KCNK3: variants seen among roughly 807,000 people sequenced by gnomAD.
The protein encoded by KCNK3 is potassium channel subfamily K member 3.
KCNK3 carries 9 observed loss-of-function variants against 27.3 expected under a neutral mutation model. That is an observed-to-expected ratio of 0.33 (90% CI 0.20 to 0.57). The LOEUF is 0.57. KCNK3 is among the 20% of genes least tolerant of loss of function. The probability of loss-of-function intolerance (pLI) is 0.87; values close to 1 mark genes in which losing one functional copy is unlikely to be tolerated. For synonymous variants in KCNK3, 278 were observed against 273.8 expected (o/e 1.02, Z -0.15); for missense variants, 391 against 577.7 (o/e 0.68, Z 3.31).
At chr2:26,715,769 G>A (rs1388311112) in intron 1 of KCNK3, among the ~76,000 whole-genome samples, 1 of 152,216 alleles carries the variant, frequency 6.6e-6, no homozygotes, top group Non-Finnish European at 1.5e-5. Flanking sequence ...TACAATCAGA[G>A]CTGGGCTGGC....
At position 26,728,277 on chromosome 2, in the gene KCNK3, C is replaced by A. The variant is rs765638250; in HGVS notation, c.894C>A (p.Asn298Lys). 6.3e-6 allele frequency: 10 copies of A among 1,593,376 alleles called. No individual in the cohort carries two copies. Among genetic ancestry groups the A allele is most frequent in the Non-Finnish European group, 8.5e-7 (1 of 1,170,214 alleles). ...CAGCGGGCGGCGGCGGCTTCCGCAA[C>A]GTCTACGCGGAGGTGCTGCACTTCC... is the stretch of plus-strand genomic sequence containing the variant. ...TAAAGGGGFR[N>K]VYAEVLHFQS... Residue 298 changes from asparagine (N) to lysine (K), a missense_variant, in exon 2 of 2, where the codon AAC (asparagine) becomes AAA (lysine). Asn to Lys is a moderately conservative substitution (Grantham distance 94). Around this residue, in one of 4 missense-constraint regions of KCNK3, gnomAD observed 192 missense variants for 196.0 expected, o/e 0.98. Coordinates refer to ENST00000302909, the MANE Select transcript of KCNK3 (RefSeq NM_002246.3).
intron 1 of KCNK3, among the ~76,000 whole-genome samples, chr2:26,719,337 G>A (rs747553590): frequency 5.9e-5 from 9 of 152,082 alleles, no homozygotes; most frequent in Non-Finnish European, 1.0e-4. Context: ...CCAGTCCCAC[G>A]CAGGTCTATT....
At chr2:26,695,864 C>A (rs1406762570) in intron 1 of KCNK3, among the ~76,000 whole-genome samples, 1 of 152,164 alleles carries the variant, frequency 6.6e-6, no homozygotes, top group East Asian at 1.9e-4. Context: ...CAACATCAGA[C>A]CACCCCCCTG....
intron 1 of KCNK3, among the ~76,000 whole-genome samples, chr2:26,720,783 C>T (rs1029908435): frequency 2.0e-5 from 3 of 152,048 alleles, no homozygotes. Context: ...AGGGGCAGGG[C>T]AGAAGAAGCG....
rs535230616 is a variant in KCNK3 at position 26,698,701 on chromosome 2, C to T, written c.283+5543C>T. Among the ~76,000 whole-genome samples, 9 of 152,308 alleles carry T rather than the reference C, an allele frequency of 5.9e-5. No individual in the cohort carries two copies. In the South Asian group the frequency reaches 1.9e-3, roughly 32 times the overall value. ...CCAGGAGATTGCCACACCCTTTCCC[C>T]TTATCTTCCCAATCCCACTCCCCAC... On this transcript the variant is annotated intron_variant, in intron 1 of 1. Transcript: ENST00000302909.
intron 1 of KCNK3, among the ~76,000 whole-genome samples, chr2:26,703,130 G>A: frequency 6.6e-6 from 1 of 152,004 alleles, no homozygotes; most frequent in Non-Finnish European, 1.5e-5. Flanking sequence ...ACAAAAGAAG[G>A]GCAGGCCGGA....
At chr2:26,727,557 C>A in intron 1 of KCNK3, 110 bp from the exon 2 acceptor site, 1 of 1,431,796 alleles carries the variant, frequency 7.0e-7, no homozygotes, top group Non-Finnish European at 9.4e-7. Flanking sequence ...ACTGTGGACC[C>A]AGACCCACAA....
intron 1 of KCNK3, among the ~76,000 whole-genome samples, chr2:26,718,677 C>A (rs1558601623): frequency 6.6e-6 from 1 of 152,010 alleles, no homozygotes; most frequent in Non-Finnish European, 1.5e-5. Flanking sequence ...GGTGCAATTA[C>A]TGCTCACCAC....
chr2:26,712,292 C>T (rs748062340), intron 1 of KCNK3, among the ~76,000 whole-genome samples: 16 of 152,170 alleles, frequency 1.1e-4, no homozygotes, highest in African/African-American at 1.9e-4. Context: ...GCTGTCTCCA[C>T]GGAGGACAGA....
chr2:26,712,326 G>A (rs1663133435), intron 1 of KCNK3, among the ~76,000 whole-genome samples: 2 of 152,332 alleles, frequency 1.3e-5, no homozygotes, highest in South Asian at 2.1e-4. Context: ...CCGAAGGCTT[G>A]TTCACTTCAT....
At chr2:26,702,107 T>C (rs1670315197) in intron 1 of KCNK3, among the ~76,000 whole-genome samples, 2 of 152,198 alleles carry the variant, frequency 1.3e-5, no homozygotes, top group Non-Finnish European at 2.9e-5. Context: ...CTCTCTCTCC[T>C]TCTACCCTCC....
rs752341544 is a variant in KCNK3, at chr2:26,728,510, C to T, written c.1127C>T (p.Thr376Met). The T allele has an allele frequency of 6.0e-6, 9 of 1,507,770 alleles. No individual in the cohort carries two copies. Among genetic ancestry groups the T allele is most frequent in the South Asian group, 1.3e-5 (1 of 75,920 alleles). 93.4% of individuals were successfully genotyped at this position (1,507,770 alleles called of 1,614,324 possible). A position where few individuals can be genotyped will look rare whatever the true frequency, so the allele number is the denominator to read the frequency against. The change falls in exon 2 of 2, where the codon ACG becomes ATG. Residue 376 changes from threonine (T) to methionine (M), a missense_variant. Around this residue, in one of 4 missense-constraint regions of KCNK3, gnomAD observed 192 missense variants for 196.0 expected, o/e 0.98. Transcript: ENST00000302909. ...APRSAISSVSTGLHSLSTFRG... is the reference protein window; with the variant it reads ...APRSAISSVSMGLHSLSTFRG... ...CGCTCCGCCATCAGCTCGGTGTCCA[C>T]GGGTCTGCACAGCCTGTCCACCTTC... is the stretch of plus-strand genomic sequence containing the variant.
chr2:26,718,458 C>G (rs1428774703), intron 1 of KCNK3, among the ~76,000 whole-genome samples: 1 of 152,146 alleles, frequency 6.6e-6, no homozygotes, highest in Non-Finnish European at 1.5e-5. Flanking sequence ...TCGTTTTCTA[C>G]TTACAAAAGT....
rs991856286 is a variant in KCNK3, at chr2:26,728,835, G to T, written c.*267G>T. ...GGTCAGGGAGGAAAGGCAGAAGCTG[G>T]GAGCCTCCCTTCCCTTTGAAAATCT... is the stretch of plus-strand genomic sequence containing the variant. On this transcript the variant is annotated 3_prime_UTR_variant, in exon 2 of 2. Transcript: ENST00000302909. 2 of 381,090 alleles carry T rather than the reference G, an allele frequency of 5.2e-6. No individual in the cohort carries two copies. Among genetic ancestry groups the T allele is most frequent in the Non-Finnish European group, 9.3e-6 (2 of 215,354 alleles). 23.6% of individuals were successfully genotyped at this position (381,090 alleles called of 1,614,324 possible). A position where few individuals can be genotyped will look rare whatever the true frequency, so the allele number is the denominator to read the frequency against.
At chr2:26,699,358 A>C (rs1394137860) in intron 1 of KCNK3, among the ~76,000 whole-genome samples, 2 of 152,126 alleles carry the variant, frequency 1.3e-5, no homozygotes, top group African/African-American at 2.4e-5. Context: ...TCCCGTTTCC[A>C]CGCATTACCG....
At chr2:26,704,526 A>C (rs537014227) in intron 1 of KCNK3, among the ~76,000 whole-genome samples, 134 of 152,254 alleles carry the variant, frequency 8.8e-4, no homozygotes, top group African/African-American at 2.9e-3. Context: ...TCTTGGAAAC[A>C]TCCTGAGAGT....
intron 1 of KCNK3, 30 bp from the exon 2 acceptor site, chr2:26,727,637 C>T (rs1384089773): frequency 4.6e-6 from 7 of 1,512,118 alleles, no homozygotes; most frequent in African/African-American, 2.8e-5. Flanking sequence ...AAAATGTGTG[C>T]TTTTTCTCCT....
At chr2:26,722,299 G>A (rs73920343) in intron 1 of KCNK3, among the ~76,000 whole-genome samples, 3,779 of 152,272 alleles carry the variant, frequency 0.025, 176 homozygotes, top group African/African-American at 0.087. Flanking sequence ...AAAATAACTT[G>A]AGTAAACACT....
intron 1 of KCNK3, among the ~76,000 whole-genome samples, chr2:26,702,471 G>C (rs903369711): frequency 6.6e-6 from 1 of 152,126 alleles, no homozygotes; most frequent in Non-Finnish European, 1.5e-5. Context: ...GCTATTGTGA[G>C]GTGAAAGAAC....
Sources: allele counts gnomAD v4.1 joint callset (sites outside exome capture counted in the v4.1 genomes callset), GRCh38; gene constraint gnomAD v4.1.1; regional missense constraint gnomAD v4.1.1; transcripts MANE v1.5; gene names NCBI Gene and HGNC (gene_info 2026-07-23, HGNC 2026-07-21).